RIF1: variants seen among roughly 807,000 people sequenced by gnomAD.
The protein encoded by RIF1 is telomere-associated protein RIF1.
RIF1 carries 45 observed loss-of-function variants against 247.1 expected under a neutral mutation model. That is an observed-to-expected ratio of 0.18 (90% confidence interval 0.14 to 0.23). The LOEUF (loss-of-function observed/expected upper bound fraction) is 0.23. Among genes scored for constraint, RIF1 ranks in the 10% least tolerant of loss-of-function variants. RIF1 has a pLI of 1.00. For synonymous variants in RIF1, 1,087 were observed against 978.8 expected, an observed-to-expected ratio of 1.11 and a Z score of -2.06; for missense variants, 2,967 against 2,862.5, an observed-to-expected ratio of 1.04 and a Z score of -0.83.
At chr2:151,526,152 G>A in the RIF1 span, 2 of 1,613,774 alleles carry the variant, frequency 1.2e-6, no homozygotes, top group South Asian at 1.1e-5. Flanking sequence ...GGCGGCTGGG[G>A]GTTACCTCAG....
chr2:151,443,409 GTT>G, intron 17 of RIF1, 80 bp downstream of exon 17: 2 of 1,308,478 alleles, frequency 1.5e-6, no homozygotes, highest in Non-Finnish European at 2.1e-6. Context: ...TATTTCATAA[GTT>G]TAAGTTTTTT....
At chr2:151,453,975 T>A (rs1391119423) in intron 21 of RIF1, among the ~76,000 whole-genome samples, 1 of 152,212 alleles carries the variant, frequency 6.6e-6, no homozygotes, top group Non-Finnish European at 1.5e-5. Flanking sequence ...TACAACTTGA[T>A]CATTCACTTG....
chr2:151,494,423 C>T (rs992623085), intron 9 of RIF1, among the ~76,000 whole-genome samples: 1 of 152,112 alleles, frequency 6.6e-6, no homozygotes, highest in African/African-American at 2.4e-5. Context: ...GTAGTTACAG[C>T]AAGACACAAC....
chr2:151,528,759 G>A, the RIF1 span, among the ~76,000 whole-genome samples: 3 of 152,204 alleles, frequency 2.0e-5, no homozygotes, highest in Non-Finnish European at 2.9e-5. Context: ...GAGAGTCAAC[G>A]CAGGGAATAT....
the RIF1 span, chr2:151,519,729 T>C: frequency 2.5e-6 from 4 of 1,613,182 alleles, no homozygotes; most frequent in Non-Finnish European, 3.4e-6. Flanking sequence ...TATTTTGGTG[T>C]CTTGCCCTTT....
chr2:151,518,503 T>C, the RIF1 span: 1 of 836,350 alleles, frequency 1.2e-6, no homozygotes, highest in East Asian at 2.4e-5. Context: ...ATTAGACGTT[T>C]ACACAGCACC....
At chr2:151,534,287 T>C in the RIF1 span, 26 of 1,613,542 alleles carry the variant, frequency 1.6e-5, no homozygotes, top group South Asian at 3.3e-5. Flanking sequence ...GGTATTTATC[T>C]TTCCGCTGCT....
chr2:151,421,851 T>C (rs1688225427), intron 7 of RIF1, among the ~76,000 whole-genome samples: 1 of 152,112 alleles, frequency 6.6e-6, no homozygotes, highest in Non-Finnish European at 1.5e-5. Context: ...TTTTTTTTTT[T>C]TCGAGACAGT....
chr2:151,450,965 A>G (rs1345133618), intron 20 of RIF1, among the ~76,000 whole-genome samples: 1 of 152,174 alleles, frequency 6.6e-6, no homozygotes. Flanking sequence ...TTTGATAGAG[A>G]ATCTGTGATC....
At chr2:151,425,629 G>T (rs34541996) in intron 8 of RIF1, among the ~76,000 whole-genome samples, 4 of 147,364 alleles carry the variant, frequency 2.7e-5, no homozygotes, top group African/African-American at 9.9e-5. Flanking sequence ...TTTTACTGAA[G>T]AGGTTGTTTT....
At chr2:151,411,133 T>C (rs955414980) in intron 2 of RIF1, 127 bp from the exon 3 acceptor site, 3 of 640,574 alleles carry the variant, frequency 4.7e-6, no homozygotes, top group South Asian at 1.9e-5. Context: ...TTAAGGACCT[T>C]ACCTACTGGG....
At chr2:151,533,208 GA>G in the RIF1 span, among the ~76,000 whole-genome samples, 1 of 152,180 alleles carries the variant, frequency 6.6e-6, no homozygotes, top group Non-Finnish European at 1.5e-5. Context: ...ACACTTGAAA[GA>G]ATCAGTTAAT....
Position 151,465,234 on chromosome 2 carries a change from A to C in RIF1, c.5714A>C (p.Lys1905Thr). ...ENVTVEGNACKVTESNLEKAK... is the reference protein window; with the variant it reads ...ENVTVEGNACTVTESNLEKAK... ...GTTACTGTTGAAGGAAATGCATGTA[A>C]AGTAACAGAATCCAATCTAGAGAAA... The change falls in exon 30 of 36, where the codon AAA becomes ACA. Residue 1905 changes from lysine to threonine, a missense_variant. Physicochemically the swap from Lys to Thr is moderately conservative, Grantham distance 78. Around this residue, in one of 7 missense-constraint regions of RIF1, gnomAD observed 2,028 missense variants for 1,825.6 expected, o/e 1.11. Transcript: ENST00000444746. The C allele has an allele frequency of 1.2e-6, 2 of 1,610,686 alleles. No individual in the cohort carries two copies. Among genetic ancestry groups the C allele is most frequent in the Non-Finnish European group, 1.7e-6 (2 of 1,179,292 alleles).
chr2:151,436,339 A>ATACC (rs1691201658), intron 11 of RIF1, among the ~76,000 whole-genome samples: 1 of 152,102 alleles, frequency 6.6e-6, no homozygotes. Flanking sequence ...CAGGAGTTGG[A>ATACC]TACCACCTGT....
At chr2:151,488,149 A>G (rs974342040) in intron 9 of RIF1, among the ~76,000 whole-genome samples, 1 of 152,132 alleles carries the variant, frequency 6.6e-6, no homozygotes, top group Non-Finnish European at 1.5e-5. Flanking sequence ...GGGCGAGGGG[A>G]ATAATTTATC....
Position 151,475,276 on chromosome 2 carries a change from A to G in RIF1, c.*205A>G. 7.6e-6 allele frequency: 4 copies of G among 527,706 alleles called. No individual in the cohort carries two copies. The East Asian group carries it at 1.4e-4, about 18-fold the overall frequency. 32.7% of individuals were successfully genotyped at this position (527,706 alleles called of 1,614,324 possible). On this transcript the variant is annotated 3_prime_UTR_variant, in exon 36 of 36. Coordinates refer to ENST00000444746, the MANE Select transcript of RIF1 (RefSeq NM_018151.5). ...GATCCTTTTTTTTTTCATAATATGT[A>G]TTCTTGGCTGCTATGCGTGGTTTTT...
chr2:151,493,032 T>G (rs1255214917), intron 9 of RIF1: 3 of 265,650 alleles, frequency 1.1e-5, no homozygotes. Context: ...AGATTGAGGA[T>G]GTTAGGAAGT....
chr2:151,467,465 C>T (rs965243363), intron 30 of RIF1, among the ~76,000 whole-genome samples: 2 of 151,998 alleles, frequency 1.3e-5, no homozygotes, highest in African/African-American at 4.8e-5. Context: ...CTGCCTCAGC[C>T]TCTTGAGTAG....
chr2:151,527,443 G>A, the RIF1 span: 3 of 1,377,844 alleles, frequency 2.2e-6, no homozygotes, highest in Non-Finnish European at 3.1e-6. Context: ...CTCAGGTGCA[G>A]TATGCAGTTA....
Sources: allele counts gnomAD v4.1 joint callset (sites outside exome capture counted in the v4.1 genomes callset), GRCh38; gene constraint gnomAD v4.1.1; regional missense constraint gnomAD v4.1.1; transcripts MANE v1.5; gene names NCBI Gene and HGNC (gene_info 2026-07-23, HGNC 2026-07-21).